ESRRG: variants seen among roughly 807,000 people sequenced by gnomAD.
ESRRG encodes the protein estrogen related receptor gamma.
In ESRRG, 13 loss-of-function variants were observed where a neutral mutation model predicts 44.0. The ratio of observed to expected loss-of-function variants is 0.30; its 90% CI spans 0.19 to 0.47. ESRRG has a LOEUF of 0.47. ESRRG is among the 20% of genes least tolerant of loss of function. ESRRG has a pLI of 1.00. For synonymous variants in ESRRG, 215 were observed against 214.6 expected (o/e 1.00, Z -0.02); for missense variants, 395 against 580.6 (o/e 0.68, Z 3.29).
intron 1 of ESRRG, among the ~76,000 whole-genome samples, chr1:217,001,357 A>G (rs2077013984): frequency 1.3e-5 from 2 of 152,218 alleles, no homozygotes. Flanking sequence ...GAGTCTGAAA[A>G]TGAGTCACGT....
At chr1:216,701,178 G>A in intron 1 of ESRRG, among the ~76,000 whole-genome samples, 1 of 152,146 alleles carries the variant, frequency 6.6e-6, no homozygotes, top group Middle Eastern at 3.2e-3. Context: ...CTTTTGCCAA[G>A]CATTTTTTGC....
intron 5 of ESRRG, among the ~76,000 whole-genome samples, chr1:216,519,836 AAGG>A (rs1384923037): frequency 6.6e-6 from 1 of 150,746 alleles, no homozygotes; most frequent in Non-Finnish European, 1.5e-5. Context: ...AAAGAAGAAG[AAGG>A]AGAAGAAGAA....
intron 5 of ESRRG, among the ~76,000 whole-genome samples, chr1:216,543,077 TAAGTGCACTGTAAAATAA>T (rs1165037255): frequency 6.6e-6 from 1 of 151,958 alleles, no homozygotes; most frequent in Non-Finnish European, 1.5e-5. Context: ...CACTGTGAAT[TAAGTGCACTGTAAAATAA>T]AACTGGAAAT....
chr1:216,641,744 T>A (rs1249888164), intron 3 of ESRRG, among the ~76,000 whole-genome samples: 1 of 152,242 alleles, frequency 6.6e-6, no homozygotes, highest in Non-Finnish European at 1.5e-5. Context: ...ACTACTGATG[T>A]TTATTCACAT....
intron 2 of ESRRG, among the ~76,000 whole-genome samples, chr1:216,739,897 T>A (rs2090446398): frequency 6.6e-6 from 1 of 152,148 alleles, no homozygotes; most frequent in African/African-American, 2.4e-5. Context: ...TGCAAAGACG[T>A]CTCTTTCCTA....
chr1:217,114,535 T>C (rs908340073), intron 1 of ESRRG, among the ~76,000 whole-genome samples: 5 of 152,178 alleles, frequency 3.3e-5, no homozygotes, highest in Admixed American at 1.3e-4. Context: ...TGTACATTTA[T>C]TGGTGTTACT....
chr1:217,027,407 T>C (rs541092328), intron 1 of ESRRG, among the ~76,000 whole-genome samples: 1 of 152,296 alleles, frequency 6.6e-6, no homozygotes, highest in African/African-American at 2.4e-5. Flanking sequence ...TCTTCAGCCC[T>C]TACAAACCAC....
chr1:216,930,852 A>C (rs2063242023), intron 2 of ESRRG, among the ~76,000 whole-genome samples: 1 of 152,194 alleles, frequency 6.6e-6, no homozygotes, highest in Non-Finnish European at 1.5e-5. Context: ...AAAAAGAAGG[A>C]ACTGCAAATG....
chr1:216,912,163 A>T (rs188074120), intron 2 of ESRRG, among the ~76,000 whole-genome samples: 2 of 36,106 alleles, frequency 5.5e-5, no homozygotes, highest in Admixed American at 3.5e-4. Context: ...AAGAAAAGAA[A>T]AGAAAAGAAA....
At chr1:216,642,254 T>G (rs2066583478) in intron 3 of ESRRG, among the ~76,000 whole-genome samples, 1 of 152,074 alleles carries the variant, frequency 6.6e-6, no homozygotes, top group Non-Finnish European at 1.5e-5. Flanking sequence ...ACCACTGAGG[T>G]CATTATAAAG....
At chr1:216,535,926 G>C (rs1240713067) in intron 5 of ESRRG, among the ~76,000 whole-genome samples, 1 of 152,040 alleles carries the variant, frequency 6.6e-6, no homozygotes, top group East Asian at 1.9e-4. Flanking sequence ...TTCCACTAAA[G>C]TCTGGATTGC....
At chr1:216,652,170 G>A (rs935063012) in intron 2 of ESRRG, among the ~76,000 whole-genome samples, 5 of 152,030 alleles carry the variant, frequency 3.3e-5, no homozygotes, top group African/African-American at 9.7e-5. Flanking sequence ...GAGACGGTCC[G>A]AGCATAATTG....
intron 1 of ESRRG, among the ~76,000 whole-genome samples, chr1:217,050,031 C>T (rs1445845085): frequency 2.0e-5 from 3 of 152,176 alleles, no homozygotes; most frequent in African/African-American, 7.2e-5. Context: ...ATGGCATTAT[C>T]CACAAGGAGC....
chr1:216,960,660 G>C (rs1466101292), intron 1 of ESRRG, among the ~76,000 whole-genome samples: 1 of 152,030 alleles, frequency 6.6e-6, no homozygotes, highest in Non-Finnish European at 1.5e-5. Context: ...ATCATGGCTA[G>C]CTGCAGCCTT....
chr1:216,912,505 A>T (rs2060596221), intron 2 of ESRRG, among the ~76,000 whole-genome samples: 1 of 152,184 alleles, frequency 6.6e-6, no homozygotes. Context: ...TATTTTTTAA[A>T]TATTTGGGGG....
chr1:216,709,128 T>C (rs1292430941), intron 1 of ESRRG, among the ~76,000 whole-genome samples: 2 of 152,032 alleles, frequency 1.3e-5, no homozygotes, highest in Non-Finnish European at 2.9e-5. Context: ...GACGGGTTGA[T>C]AGGTGCAGCA....
chr1:216,628,276 A>G (rs1252297737), intron 3 of ESRRG, among the ~76,000 whole-genome samples: 1 of 152,132 alleles, frequency 6.6e-6, no homozygotes, highest in Non-Finnish European at 1.5e-5. Flanking sequence ...CACTTTAGAG[A>G]CAGGGTCCCA....
At chr1:216,542,202 C>T (rs988331404) in intron 5 of ESRRG, among the ~76,000 whole-genome samples, 3 of 151,876 alleles carry the variant, frequency 2.0e-5, no homozygotes, top group Non-Finnish European at 4.4e-5. Flanking sequence ...TTAATGCTCA[C>T]ATCCTGTTGA....
chr1:216,687,975 A>G (rs1320229203), intron 1 of ESRRG, among the ~76,000 whole-genome samples: 1 of 152,158 alleles, frequency 6.6e-6, no homozygotes, highest in Non-Finnish European at 1.5e-5. Flanking sequence ...TGTCTCAAAT[A>G]GTGCCTCTGA....
Sources: allele counts gnomAD v4.1 joint callset (sites outside exome capture counted in the v4.1 genomes callset), GRCh38; gene constraint gnomAD v4.1.1; transcripts MANE v1.5; gene names NCBI Gene and HGNC (gene_info 2026-07-23, HGNC 2026-07-21).